CUL1: variants seen among roughly 807,000 people sequenced by gnomAD.
CUL1 encodes cullin-1.
In CUL1, 24 loss-of-function variants were observed where a neutral mutation model predicts 118.0. The observed-to-expected ratio is 0.20, with a 90% CI of 0.15 to 0.29. CUL1 has a LOEUF of 0.29. Ranked by LOEUF, CUL1 falls within the 10% of genes least tolerant of loss-of-function variation. CUL1 has a pLI of 1.00. For synonymous variants in CUL1, 332 were observed against 340.4 expected (o/e 0.98, Z 0.27); for missense variants, 361 against 933.8 (o/e 0.39, Z 7.99).
chr7:148,713,433 T>A (rs974380392), intron 1 of CUL1, among the ~76,000 whole-genome samples: 2 of 152,212 alleles, frequency 1.3e-5, no homozygotes, highest in Non-Finnish European at 2.9e-5. Context: ...TTGGAAGTCA[T>A]GTAGTAAAAT....
intron 9 of CUL1, among the ~76,000 whole-genome samples, chr7:148,781,433 A>G (rs1465271916): frequency 1.3e-5 from 2 of 152,100 alleles, no homozygotes; most frequent in African/African-American, 4.8e-5. Context: ...AAGTCCTCCC[A>G]TCTCACCAGC....
Position 148,786,152 on chromosome 7 carries a change from G to A in CUL1, c.1299-399G>A, listed in dbSNP as rs182187062. Among the ~76,000 whole-genome samples the A allele has an allele frequency of 2.6e-5, 4 of 152,240 alleles. No individual in the cohort carries two copies. The East Asian group carries it at 7.7e-4, about 29-fold the overall frequency. ...ACCCCTTCATCATCTTTAATGACTG[G>A]GCCATGAAAGGGAATCTATGTGCCT... On this transcript the variant is annotated intron_variant, in intron 11 of 21. Transcript: ENST00000325222.
intron 2 of CUL1, among the ~76,000 whole-genome samples, chr7:148,734,263 G>A (rs1451827269): frequency 6.6e-6 from 1 of 151,682 alleles, no homozygotes; most frequent in East Asian, 1.9e-4. Context: ...GTGTGTGTGT[G>A]TAAGACAGAG....
chr7:148,731,100 T>A (rs1461034804), intron 2 of CUL1, among the ~76,000 whole-genome samples: 1 of 152,202 alleles, frequency 6.6e-6, no homozygotes, highest in Non-Finnish European at 1.5e-5. Flanking sequence ...ACGATGTGCA[T>A]GGGGGACTGT....
intron 3 of CUL1, among the ~76,000 whole-genome samples, chr7:148,755,842 C>A (rs969686864): frequency 6.6e-6 from 1 of 152,182 alleles, no homozygotes; most frequent in Non-Finnish European, 1.5e-5. Flanking sequence ...TTTGGTCACT[C>A]GTGTACCTTA....
At chr7:148,781,657 C>T (rs561536215) in intron 9 of CUL1, among the ~76,000 whole-genome samples, 12 of 152,252 alleles carry the variant, frequency 7.9e-5, no homozygotes, top group Admixed American at 5.9e-4. Flanking sequence ...ATAGAGACAT[C>T]ACTGGTTCAG....
intron 7 of CUL1, 29 bp from the exon 8 acceptor site, chr7:148,766,532 A>G (rs1185474088): frequency 6.4e-7 from 1 of 1,572,996 alleles, no homozygotes; most frequent in African/African-American, 1.4e-5. Flanking sequence ...AATGAATCAA[A>G]ACCATTCACT....
intron 20 of CUL1, among the ~76,000 whole-genome samples, chr7:148,799,068 A>G (rs1049955998): frequency 1.3e-5 from 2 of 152,070 alleles, no homozygotes; most frequent in Admixed American, 6.5e-5. Context: ...AGACCCAAAC[A>G]TTGTAATGTT....
intron 3 of CUL1, among the ~76,000 whole-genome samples, chr7:148,755,134 G>T (rs758633625): frequency 6.6e-6 from 1 of 152,148 alleles, no homozygotes; most frequent in Non-Finnish European, 1.5e-5. Context: ...TCCTTCTAGC[G>T]TAGGTCCCTC....
intron 1 of CUL1, 122 bp downstream of exon 1, chr7:148,699,151 G>A (rs1797623652): frequency 6.5e-6 from 1 of 152,674 alleles, no homozygotes. Context: ...GGCGCCTGGC[G>A]AGGCCTGAGC....
intron 3 of CUL1, among the ~76,000 whole-genome samples, chr7:148,755,011 C>G (rs1012302177): frequency 2.0e-4 from 30 of 152,304 alleles, no homozygotes; most frequent in African/African-American, 6.0e-4. Context: ...CCTCCACCTC[C>G]CGAAGTGTTG....
chr7:148,773,121 T>G (rs766255024), intron 9 of CUL1, among the ~76,000 whole-genome samples: 1 of 152,160 alleles, frequency 6.6e-6, no homozygotes, highest in African/African-American at 2.4e-5. Context: ...CTTAATACAT[T>G]TATAATTTTA....
chr7:148,784,501 A>G (rs924809805), intron 11 of CUL1, among the ~76,000 whole-genome samples: 13 of 152,188 alleles, frequency 8.5e-5, no homozygotes, highest in African/African-American at 3.1e-4. Flanking sequence ...GATGTTTTCT[A>G]ATCAATTTAT....
chr7:148,776,230 C>T lies in CUL1; in HGVS notation c.1084-7553C>T, dbSNP rs538040980. On this transcript the variant is annotated intron_variant, in intron 9 of 21. Transcript: ENST00000325222. ...ATGAGATGCCTCCTGTCCAGGACGCCATGAGACGAAGAGAATAATCATTTT... is the reference window on the plus strand; with the variant it reads ...ATGAGATGCCTCCTGTCCAGGACGCTATGAGACGAAGAGAATAATCATTTT... 2.7e-5 allele frequency among the ~76,000 whole-genome samples: 4 copies of T among 149,334 alleles called. No homozygotes were observed. The East Asian group carries it at 5.9e-4, about 22-fold the overall frequency.
At chr7:148,733,341 CT>C (rs1343864568) in intron 2 of CUL1, among the ~76,000 whole-genome samples, 3 of 152,284 alleles carry the variant, frequency 2.0e-5, no homozygotes, top group Middle Eastern at 6.8e-3. Flanking sequence ...ATTTTACCCC[CT>C]AACTCTTCAC....
chr7:148,754,065 C>T lies in CUL1; in HGVS notation c.230C>T (p.Thr77Ile), dbSNP rs1287984477. ...CCTTCTAAGTCGAAAAAGGGGCAGA[C>T]ACCTGGAGGAGCTCAGTTTGTTGGC... Reference protein sequence around the residue: ...VPPSKSKKGQTPGGAQFVGLE... With the variant: ...VPPSKSKKGQIPGGAQFVGLE... Residue 77 changes from threonine (T) to isoleucine (I), a missense_variant, in exon 3 of 22, where the codon ACA (threonine) becomes ATA (isoleucine). Physicochemically the swap from Thr to Ile is moderately conservative, Grantham distance 89. Transcript: ENST00000325222. The T allele has an allele frequency of 6.2e-7, 1 of 1,613,710 alleles. No homozygotes were observed. Among genetic ancestry groups the T allele is most frequent in the Non-Finnish European group, 8.5e-7 (1 of 1,179,804 alleles).
Position 148,751,558 on chromosome 7 carries a change from C to G in CUL1, c.141-2418C>G, listed in dbSNP as rs888930420. The stretch of plus-strand genomic sequence containing the variant: ...TCAAAAAAAAAAAAAAAAAAAACCT[C>G]TCTTGTCACTTTGTCACTTAGTATT... On this transcript the variant is annotated intron_variant, in intron 2 of 21. Coordinates refer to ENST00000325222, the MANE Select transcript of CUL1 (RefSeq NM_003592.3). 3.4e-5 allele frequency among the ~76,000 whole-genome samples: 5 copies of G among 145,610 alleles called. 1 individual carries two copies. The highest frequency in any genetic ancestry group is 6.8e-5 in the Admixed American group (1 of 14,644).
At chr7:148,725,173 G>A (rs1210185872) in intron 1 of CUL1, among the ~76,000 whole-genome samples, 1 of 150,604 alleles carries the variant, frequency 6.6e-6, no homozygotes, top group Admixed American at 6.6e-5. Flanking sequence ...ATTAAGCATG[G>A]GCATGCAGCG....
chr7:148,757,456 A>G (rs926976046), intron 4 of CUL1, among the ~76,000 whole-genome samples: 5 of 152,294 alleles, frequency 3.3e-5, no homozygotes, highest in African/African-American at 1.2e-4. Context: ...TCGCACTGAA[A>G]GTCCTGAGTC....
Sources: allele counts gnomAD v4.1 joint callset (sites outside exome capture counted in the v4.1 genomes callset), GRCh38; gene constraint gnomAD v4.1.1; transcripts MANE v1.5; gene names NCBI Gene and HGNC (gene_info 2026-07-23, HGNC 2026-07-21).